The following SCAF11 variants were observed in gnomAD, a reference collection of about 807,000 sequenced individuals.
The protein encoded by SCAF11 is protein SCAF11.
A neutral mutation model predicts 140.5 loss-of-function variants in SCAF11; 47 were observed. That is an observed-to-expected ratio of 0.33 (90% CI 0.26 to 0.43). The LOEUF (loss-of-function observed/expected upper bound fraction) is 0.43, where lower values mean the gene tolerates loss of function less well. Ranked by LOEUF, SCAF11 falls within the 20% of genes least tolerant of loss-of-function variation. The pLI, the probability that SCAF11 is intolerant of heterozygous loss-of-function variation, is 1.00. For synonymous variants in SCAF11, 557 were observed against 579.4 expected, an observed-to-expected ratio of 0.96 and a Z score of 0.55; for missense variants, 1,645 against 1,705.1, an observed-to-expected ratio of 0.96 and a Z score of 0.62.
At chr12:45,956,162 C>T (rs1945687530) in intron 3 of SCAF11, 1 of 716,880 alleles carries the variant, frequency 1.4e-6, no homozygotes, top group Non-Finnish European at 2.6e-6. Context: ...GCTCTATCCT[C>T]AATCACATAG....
intron 14 of SCAF11, 68 bp downstream of exon 14, chr12:45,922,395 G>A: frequency 1.9e-6 from 3 of 1,551,490 alleles, no homozygotes; most frequent in Non-Finnish European, 2.6e-6. Context: ...TTAAACTTCA[G>A]CATTCATTTA....
chr12:45,928,559 C>G lies in SCAF11; in HGVS notation c.1142G>C (p.Arg381Thr), dbSNP rs995651635. Residue 381 changes from arginine to threonine, a missense_variant, in exon 11 of 15, where the codon AGA (arginine) becomes ACA (threonine). Around this residue, in one of 2 missense-constraint regions of SCAF11, gnomAD observed 1,582 missense variants for 1,609.2 expected, o/e 0.98. Transcript: ENST00000369367. ...TTTCTTTTTCAGTAAAGGTGGTTTT[C>G]TTCCTCTTCTTACAGACTTCCGTTT... ...APKRKSVRRG[R>T]KPPLLKKKLR... The G allele has an allele frequency of 5.6e-6, 9 of 1,614,002 alleles. No individual in the cohort carries two copies. The Admixed American group carries it at 1.5e-4, about 27-fold the overall frequency.
At chr12:45,985,650 T>A (rs12297051) in intron 1 of SCAF11, among the ~76,000 whole-genome samples, 3,623 of 152,280 alleles carry the variant, frequency 0.024, 156 homozygotes, top group African/African-American at 0.081. Flanking sequence ...AAAGATCAAA[T>A]GAAAATGTAT....
chr12:45,931,158 T>C (rs1945035803), intron 10 of SCAF11: 1 of 154,526 alleles, frequency 6.5e-6, no homozygotes, highest in African/African-American at 2.4e-5. Context: ...AGTGAGATCA[T>C]GTGGTTATGT....
In SCAF11 at chr12:45,922,306, G is replaced by A. The variant is rs1592159676; in HGVS notation, c.4246-112C>T. Reference sequence around the variant, plus strand: ...AAGAGATAACCAGACTTATTTTCATGTTTCATTATCTCACACAAACTAATC... The same window carrying A: ...AAGAGATAACCAGACTTATTTTCATATTTCATTATCTCACACAAACTAATC... On this transcript the variant is annotated intron_variant, in intron 14 of 14. Transcript: ENST00000369367. 7.6e-6 allele frequency: 11 copies of A among 1,454,608 alleles called. No individual in the cohort carries two copies. In the South Asian group the frequency reaches 9.2e-5, roughly 12 times the overall value. The allele number at this position is 1,454,608 out of a possible 1,614,324, so 90.1% of individuals were successfully genotyped here.
rs1177215954 is a variant in SCAF11, at chr12:45,972,971, G to GAT, written c.-21-8785_-21-8784dup. 2.3e-3 allele frequency among the ~76,000 whole-genome samples: 290 copies of GAT among 124,036 alleles called. 3 individuals carry two copies. In the East Asian group the frequency reaches 0.035, roughly 15 times the overall value. 81.4% of individuals were successfully genotyped at this position (124,036 alleles called of 152,430 possible). ...ATATAGATATATAGATATATATATA[G>GAT]ATATATAGATATATAGATATAGATA... On this transcript the variant is annotated intron_variant, in intron 1 of 14. Transcript: ENST00000369367.
chr12:45,934,872 C>T (rs528664518), intron 6 of SCAF11: 4 of 154,078 alleles, frequency 2.6e-5, no homozygotes, highest in African/African-American at 7.2e-5. Flanking sequence ...CAATAATACA[C>T]TTAACATTTC....
intron 3 of SCAF11, chr12:45,955,115 A>G: frequency 6.6e-6 from 1 of 152,188 alleles, no homozygotes; most frequent in East Asian, 1.9e-4. Context: ...AAGATAATTT[A>G]GTTAACACCA....
intron 1 of SCAF11, chr12:45,974,306 G>A (rs1946183665): frequency 1.3e-5 from 6 of 454,054 alleles, no homozygotes; most frequent in Non-Finnish European, 2.7e-5. Flanking sequence ...CAGGATGGTA[G>A]TTGCTGAAGG....
At chr12:45,990,256 C>G (rs1467804258) in intron 1 of SCAF11, 97 bp downstream of exon 1, 1 of 1,229,396 alleles carries the variant, frequency 8.1e-7, no homozygotes, top group East Asian at 3.2e-5. Flanking sequence ...CTCGCGTCGC[C>G]CTAGGCCCGC....
At chr12:45,930,236 T>C (rs1411102967) in intron 10 of SCAF11, among the ~76,000 whole-genome samples, 1 of 152,188 alleles carries the variant, frequency 6.6e-6, no homozygotes, top group Non-Finnish European at 1.5e-5. Flanking sequence ...AAAGCCATAA[T>C]TTTGCTTCTT....
At chr12:45,968,120 A>G (rs940743970) in intron 1 of SCAF11, among the ~76,000 whole-genome samples, 9 of 152,198 alleles carry the variant, frequency 5.9e-5, no homozygotes, top group Non-Finnish European at 1.3e-4. Context: ...CTTTATAATC[A>G]TGTTATATTC....
chr12:45,979,451 G>C (rs1289904511), intron 1 of SCAF11, among the ~76,000 whole-genome samples: 1 of 152,052 alleles, frequency 6.6e-6, no homozygotes, highest in Non-Finnish European at 1.5e-5. Context: ...ATTCTACCCC[G>C]TTCTGTTTAA....
In SCAF11 at chr12:45,961,697, T is replaced by C. The variant is rs1945835000; in HGVS notation, c.219+3A>G. On this transcript the variant is annotated splice_donor_region_variant and intron_variant, in intron 3 of 14. Transcript: ENST00000369367. Reference sequence around the variant, plus strand: ...TTAAAATACATTAATGTGTCAGACTTACCTCTGCCCATTTAAGAATACAAG... The same window carrying C: ...TTAAAATACATTAATGTGTCAGACTCACCTCTGCCCATTTAAGAATACAAG... The C allele has an allele frequency of 1.2e-6, 2 of 1,607,922 alleles. No individual in the cohort carries two copies. Among genetic ancestry groups the C allele is most frequent in the Admixed American group, 1.7e-5 (1 of 58,998 alleles).
At chr12:45,955,579 G>T (rs1472189782) in intron 3 of SCAF11, 1 of 152,598 alleles carries the variant, frequency 6.6e-6, no homozygotes. Context: ...TCCAAGTTGT[G>T]AGGTTTTAAA....
intron 4 of SCAF11, 41 bp from the exon 5 acceptor site, chr12:45,948,578 C>T: frequency 8.1e-7 from 1 of 1,230,434 alleles, no homozygotes; most frequent in Non-Finnish European, 1.2e-6. Flanking sequence ...ACAATCCAGC[C>T]TTACAAATAA....
At chr12:45,973,155 G>A (rs1433641249) in intron 1 of SCAF11, among the ~76,000 whole-genome samples, 1 of 149,928 alleles carries the variant, frequency 6.7e-6, no homozygotes, top group Non-Finnish European at 1.5e-5. Flanking sequence ...AACAAAAAGT[G>A]AAAACGGAAA....
chr12:45,935,389 C>T (rs570587131), intron 6 of SCAF11, among the ~76,000 whole-genome samples: 36 of 152,268 alleles, frequency 2.4e-4, no homozygotes, highest in African/African-American at 8.2e-4. Flanking sequence ...TAGTGGAAGA[C>T]GAACAGGCTG....
chr12:45,933,360 G>A (rs1439209470), intron 8 of SCAF11, 128 bp from the exon 9 acceptor site: 11 of 512,428 alleles, frequency 2.1e-5, no homozygotes, highest in Non-Finnish European at 3.4e-5. Flanking sequence ...AAGCATGTGA[G>A]CTCTTTTCTA....
Sources: allele counts gnomAD v4.1 joint callset (sites outside exome capture counted in the v4.1 genomes callset), GRCh38; gene constraint gnomAD v4.1.1; regional missense constraint gnomAD v4.1.1; transcripts MANE v1.5; gene names NCBI Gene and HGNC (gene_info 2026-07-23, HGNC 2026-07-21).